Variants in C19orf18 observed in about 807,000 individuals in gnomAD.
C19orf18 encodes the protein chromosome 19 open reading frame 18, also known as uncharacterized protein C19orf18.
In C19orf18, 21 loss-of-function variants were observed where a neutral mutation model predicts 23.3. The observed-to-expected ratio is 0.90, with a 90% CI of 0.64 to 1.30. The LOEUF is 1.30. C19orf18 is among the 50% of genes most tolerant of loss of function. C19orf18 has a pLI of 0.00. For synonymous variants in C19orf18, 96 were observed against 95.2 expected, an observed-to-expected ratio of 1.01 and a Z score of -0.05; for missense variants, 249 against 259.6, an observed-to-expected ratio of 0.96 and a Z score of 0.28.
chr19:57,963,107 A>G (rs1213364338), intron 4 of C19orf18, among the ~76,000 whole-genome samples: 3 of 150,026 alleles, frequency 2.0e-5, no homozygotes, highest in African/African-American at 7.4e-5. Context: ...GCTCACCACA[A>G]CCTCCACCTC....
At position 57,974,081 on chromosome 19, in the gene C19orf18, A is replaced by G. The variant is rs879091531; in HGVS notation, c.226+18T>C. 2 of 1,605,038 alleles carry G rather than the reference A, an allele frequency of 1.2e-6. No individual in the cohort carries two copies. The highest frequency in any genetic ancestry group is 1.7e-6 in the Non-Finnish European group (2 of 1,171,836). On this transcript the variant is annotated intron_variant, in intron 2 of 5. Transcript: ENST00000314391. ...GCTACGATTCTCACTCCACTGAATG[A>G]GGAATTCAATGACTCACCCGTGGAT...
intron 2 of C19orf18, among the ~76,000 whole-genome samples, chr19:57,973,145 C>CAAAAAAAAAA (rs61625681): frequency 4.1e-5 from 1 of 24,186 alleles, no homozygotes; most frequent in African/African-American, 1.4e-4. Context: ...GACTCCGTCT[C>CAAAAAAAAAA]AAAAAAAAAA....
intron 5 of C19orf18, among the ~76,000 whole-genome samples, chr19:57,959,843 C>G (rs930223874): frequency 6.7e-6 from 1 of 148,662 alleles, no homozygotes; most frequent in African/African-American, 2.5e-5. Context: ...GGAGCGGTGG[C>G]TCACACCTGT....
chr19:57,963,890 T>TA (rs952149734), intron 4 of C19orf18, among the ~76,000 whole-genome samples: 1 of 151,962 alleles, frequency 6.6e-6, no homozygotes. Context: ...ACTCCGTCTC[T>TA]AAAAAAATAA....
chr19:57,969,722 C>A (rs1405754871), intron 3 of C19orf18, among the ~76,000 whole-genome samples: 1 of 151,368 alleles, frequency 6.6e-6, no homozygotes, highest in Non-Finnish European at 1.5e-5. Context: ...GCCTGACCAA[C>A]ATGGTGAAAC....
chr19:57,965,996 T>TC (rs2072904870), intron 4 of C19orf18, among the ~76,000 whole-genome samples: 2 of 151,706 alleles, frequency 1.3e-5, no homozygotes, highest in South Asian at 4.2e-4. Context: ...TTTTTTTTTT[T>TC]CAGACGAGTC....
intron 3 of C19orf18, among the ~76,000 whole-genome samples, chr19:57,969,260 T>C (rs898100352): frequency 1.6e-4 from 24 of 152,052 alleles, no homozygotes; most frequent in Admixed American, 1.2e-3. Context: ...CACTCTAGGT[T>C]AAAAAGTAAT....
chr19:57,969,130 G>A (rs1190703300), intron 3 of C19orf18, among the ~76,000 whole-genome samples: 1 of 152,122 alleles, frequency 6.6e-6, no homozygotes, highest in Non-Finnish European at 1.5e-5. Context: ...CGTGTGTGGT[G>A]GGCCATGTCT....
At chr19:57,971,355 C>G (rs1439402101) in intron 3 of C19orf18, among the ~76,000 whole-genome samples, 2 of 152,084 alleles carry the variant, frequency 1.3e-5, no homozygotes, top group African/African-American at 4.8e-5. Flanking sequence ...TGCCCCCAAC[C>G]ACCCCAGGGC....
chr19:57,972,635 G>C, intron 2 of C19orf18, 131 bp from the exon 3 acceptor site: 2 of 992,036 alleles, frequency 2.0e-6, no homozygotes, highest in Non-Finnish European at 3.0e-6. Flanking sequence ...TCTAAGATGG[G>C]ATGTGTTAAT....
chr19:57,959,880 C>T lies in C19orf18; in HGVS notation c.533-1163G>A, dbSNP rs146073775. Among the ~76,000 whole-genome samples the T allele has an allele frequency of 2.6e-3, 382 of 149,698 alleles. 2 individuals are homozygous for T. The highest frequency in any genetic ancestry group is 0.011 in the Middle Eastern group (3 of 272). On this transcript the variant is annotated intron_variant, in intron 5 of 5. Transcript: ENST00000314391. ...CTCCTAGCACTTTGGGAGGCCGAGG[C>T]GGGTGGATCAATTGAGGTCAGGAGT...
At chr19:57,960,879 C>T (rs1352216040) in intron 5 of C19orf18, among the ~76,000 whole-genome samples, 1 of 152,080 alleles carries the variant, frequency 6.6e-6, no homozygotes, top group African/African-American at 2.4e-5. Flanking sequence ...TTATCTTTGC[C>T]TTTGAAAACC....
chr19:57,969,566 G>GAAAAAAAAAAAAAAAAAAA (rs59100128), intron 3 of C19orf18, among the ~76,000 whole-genome samples: 17 of 46,496 alleles, frequency 3.7e-4, no homozygotes, highest in Non-Finnish European at 4.6e-4. Flanking sequence ...AAAAAAAACA[G>GAAAAAAAAAAAAAAAAAAA]AAAAAAAAAA....
chr19:57,961,364 G>A, intron 5 of C19orf18, 27 bp downstream of exon 5: 1 of 1,546,960 alleles, frequency 6.5e-7, no homozygotes, highest in Non-Finnish European at 8.7e-7. Context: ...TGGCTTTCCT[G>A]CGAATAGCTC....
Position 57,961,492 on chromosome 19 carries a change from A to G in C19orf18, c.431T>C (p.Ile144Thr). Residue 144 changes from isoleucine (I) to threonine (T), a missense_variant, in exon 5 of 6, where the codon ATA becomes ACA. Physicochemically the swap from Ile to Thr is moderately conservative, Grantham distance 89. Transcript: ENST00000314391. ...QLESLYKNLR[I>T]PLLGDEEEGS... ...CTCTTCTTCATCTCCTAATAACGGTATCCTGAGGTTCTTATAAAGTGACTC... is the reference window on the plus strand; with the variant it reads ...CTCTTCTTCATCTCCTAATAACGGTGTCCTGAGGTTCTTATAAAGTGACTC... 6.2e-7 allele frequency: 1 copy of G among 1,614,130 alleles called. No homozygotes were observed. The highest frequency in any genetic ancestry group is 8.5e-7 in the Non-Finnish European group (1 of 1,180,010).
Position 57,961,343 on chromosome 19 carries a change from C to T in C19orf18, c.532+48G>A, listed in dbSNP as rs573350999. On this transcript the variant is annotated intron_variant, in intron 5 of 5. Coordinates refer to ENST00000314391, the MANE Select transcript of C19orf18 (RefSeq NM_152474.5). Reference sequence around the variant, plus strand: ...AAGAAAGAAAAGAAACGCAAGCTGCCGCTGCCAGCTTGGCTTTCCTGCGAA... The same window carrying T: ...AAGAAAGAAAAGAAACGCAAGCTGCTGCTGCCAGCTTGGCTTTCCTGCGAA... The T allele has an allele frequency of 8.5e-6, 13 of 1,521,308 alleles. No homozygotes were observed. In the East Asian group the frequency reaches 9.4e-5, roughly 11 times the overall value. The allele number at this position is 1,521,308 out of a possible 1,614,324, so 94.2% of individuals were successfully genotyped here. A position where few individuals can be genotyped will look rare whatever the true frequency, so the allele number is the denominator to read the frequency against.
At chr19:57,973,972 T>C (rs984078237) in intron 2 of C19orf18, 127 bp downstream of exon 2, 56 of 878,874 alleles carry the variant, frequency 6.4e-5, no homozygotes, top group Non-Finnish European at 1.6e-5. Flanking sequence ...CAAGCAAATG[T>C]TTATCTAATT....
intron 5 of C19orf18, 46 bp from the exon 6 acceptor site, chr19:57,958,763 T>C: frequency 8.7e-7 from 1 of 1,143,912 alleles, no homozygotes; most frequent in Non-Finnish European, 1.2e-6. Flanking sequence ...AAGTGAGGAA[T>C]AAAAATGGAG....
chr19:57,960,319 G>A (rs1191165139), intron 5 of C19orf18, among the ~76,000 whole-genome samples: 2 of 151,274 alleles, frequency 1.3e-5, no homozygotes, highest in African/African-American at 4.9e-5. Flanking sequence ...CCAGCTACTC[G>A]GGAGGCTGAG....
Sources: allele counts gnomAD v4.1 joint callset (sites outside exome capture counted in the v4.1 genomes callset), GRCh38; gene constraint gnomAD v4.1.1; transcripts MANE v1.5; gene names NCBI Gene and HGNC (gene_info 2026-07-23, HGNC 2026-07-21).